MARCHF3: variants seen among roughly 807,000 people sequenced by gnomAD.
The protein encoded by MARCHF3 is E3 ubiquitin-protein ligase MARCHF3.
Under a neutral mutation model 24.2 loss-of-function variants are expected in MARCHF3, and 13 were observed. That is an observed-to-expected ratio of 0.54 (90% CI 0.35 to 0.85). The LOEUF (loss-of-function observed/expected upper bound fraction) is 0.85. MARCHF3 is among the 40% of genes least tolerant of loss of function. MARCHF3 has a pLI of 0.01. For missense variants in MARCHF3, 276 were observed against 325.0 expected (o/e 0.85, Z 1.16); for synonymous variants, 144 against 137.3 (o/e 1.05, Z -0.34).
chr5:126,966,905 C>CTTTTTTTTTTTTTTTTTTTTT, intron 1 of MARCHF3, among the ~76,000 whole-genome samples: 1 of 4,498 alleles, frequency 2.2e-4, no homozygotes, highest in Non-Finnish European at 4.3e-4. Flanking sequence ...CTGTGAGAGC[C>CTTTTTTTTTTTTTTTTTTTTT]TTTTTTTTTT....
chr5:126,937,532 C>G (rs1347807226), intron 1 of MARCHF3, among the ~76,000 whole-genome samples: 2 of 152,080 alleles, frequency 1.3e-5, no homozygotes, highest in Non-Finnish European at 2.9e-5. Context: ...TATATTTAGA[C>G]CATGGGGCCT....
intron 1 of MARCHF3, among the ~76,000 whole-genome samples, chr5:127,028,417 T>C (rs1408169067): frequency 6.6e-6 from 1 of 152,236 alleles, no homozygotes; most frequent in Non-Finnish European, 1.5e-5. Context: ...AAACTATAAA[T>C]TGTGAATCAT....
intron 1 of MARCHF3, among the ~76,000 whole-genome samples, chr5:127,008,428 G>A (rs1752374467): frequency 6.6e-6 from 1 of 152,198 alleles, no homozygotes; most frequent in African/African-American, 2.4e-5. Flanking sequence ...ACTTAGAAGA[G>A]AGTCTGGGTG....
In MARCHF3 at chr5:126,870,687, C is replaced by T. The variant is rs149144517; in HGVS notation, c.708G>A (p.Pro236=). The T allele has an allele frequency of 2.5e-5, 40 of 1,614,126 alleles. No homozygotes were observed. The highest frequency in any genetic ancestry group is 2.9e-5 in the Non-Finnish European group (34 of 1,180,028). ...PKSVNVPSNQ[P]SLLGLHSVKR... is the part of the protein sequence containing the mutation. ...TGACCGAATGGAGGCCCAGCAAGGA[C>T]GGCTGGTTAGAAGGTACATTGACAG... Residue 236 remains proline (P), a synonymous_variant, in exon 5 of 5, where the codon CCG becomes CCA. Transcript: ENST00000308660.
chr5:126,965,541 G>C (rs1212915978), intron 1 of MARCHF3, among the ~76,000 whole-genome samples: 2 of 152,104 alleles, frequency 1.3e-5, no homozygotes, highest in Non-Finnish European at 2.9e-5. Context: ...AAATTTTTTA[G>C]GCTTAAAACT....
chr5:126,878,808 C>A lies in MARCHF3; in HGVS notation c.394-414G>T, dbSNP rs951956762. Among the ~76,000 whole-genome samples, 4 of 152,292 alleles carry A rather than the reference C, an allele frequency of 2.6e-5. No homozygotes were observed. The East Asian group carries it at 5.8e-4, about 22-fold the overall frequency. ...GCTGGAAACGGTTGAGTTGCTCAAGCCCCGCACATTCCCAAGACAGGCCTG... is the reference window on the plus strand; with the variant it reads ...GCTGGAAACGGTTGAGTTGCTCAAGACCCGCACATTCCCAAGACAGGCCTG... On this transcript the variant is annotated intron_variant, in intron 3 of 4. Coordinates refer to ENST00000308660, the MANE Select transcript of MARCHF3 (RefSeq NM_178450.5).
At chr5:126,946,458 G>A (rs910570065) in intron 1 of MARCHF3, 2 of 148,548 alleles carry the variant, frequency 1.3e-5, no homozygotes, top group Non-Finnish European at 1.5e-5. Context: ...TTTTGTGTTT[G>A]TATGAACACA....
At chr5:126,990,592 C>T (rs981152286) in intron 1 of MARCHF3, among the ~76,000 whole-genome samples, 1 of 152,130 alleles carries the variant, frequency 6.6e-6, no homozygotes, top group African/African-American at 2.4e-5. Flanking sequence ...AAAGAAACTA[C>T]CATCAGAGTG....
At chr5:126,949,490 T>G (rs777546574) in intron 1 of MARCHF3, among the ~76,000 whole-genome samples, 3 of 152,200 alleles carry the variant, frequency 2.0e-5, no homozygotes, top group African/African-American at 4.8e-5. Flanking sequence ...CTAAACCTTT[T>G]ATCTTTGCAT....
intron 3 of MARCHF3, among the ~76,000 whole-genome samples, chr5:126,890,284 TG>T (rs199598804): frequency 0.019 from 2,875 of 151,672 alleles, 68 homozygotes; most frequent in South Asian, 0.11. Flanking sequence ...GGTAATGGTA[TG>T]TTTTCTTTTT....
intron 1 of MARCHF3, among the ~76,000 whole-genome samples, chr5:126,940,158 G>A (rs1227969765): frequency 1.3e-5 from 2 of 152,138 alleles, no homozygotes; most frequent in East Asian, 1.9e-4. Flanking sequence ...AGGGTGACTC[G>A]AATTTTTCAC....
chr5:126,912,102 T>C lies in MARCHF3; in HGVS notation c.393+2828A>G, dbSNP rs749195298. On this transcript the variant is annotated intron_variant, in intron 3 of 4. Transcript: ENST00000308660. ...CATTATGAGTAGAAACTCACCCTTATGGGCAGAAAAAAAGACTTCACATAG... is the reference window on the plus strand; with the variant it reads ...CATTATGAGTAGAAACTCACCCTTACGGGCAGAAAAAAAGACTTCACATAG... Among the ~76,000 whole-genome samples the C allele has an allele frequency of 6.2e-4, 95 of 152,186 alleles. 2 individuals are homozygous for C. The highest frequency in any genetic ancestry group is 5.9e-4 in the Non-Finnish European group (40 of 68,012).
intron 4 of MARCHF3, among the ~76,000 whole-genome samples, chr5:126,874,359 A>T (rs1753074379): frequency 6.6e-6 from 1 of 152,178 alleles, no homozygotes; most frequent in Non-Finnish European, 1.5e-5. Context: ...AGGCCGAGGC[A>T]GGCAGATCAC....
intron 1 of MARCHF3, among the ~76,000 whole-genome samples, chr5:126,935,134 G>A (rs1749602122): frequency 6.6e-6 from 1 of 152,190 alleles, no homozygotes; most frequent in African/African-American, 2.4e-5. Context: ...CTAATTTTAT[G>A]TGTCATCTTG....
Position 126,915,192 on chromosome 5 carries a change from A to G in MARCHF3, c.189-58T>C, listed in dbSNP as rs1754684389. On this transcript the variant is annotated intron_variant, in intron 2 of 4. Coordinates refer to ENST00000308660, the MANE Select transcript of MARCHF3 (RefSeq NM_178450.5). ...TGGGCTGGAAACCTCCACCAAGTGG[A>G]TGGCCCTCTAGCTCTTGTCCTTTGG... The G allele has an allele frequency of 7.7e-6, 12 of 1,551,650 alleles. No individual in the cohort carries two copies. In the South Asian group the frequency reaches 1.1e-4, roughly 15 times the overall value.
At chr5:126,907,354 T>C in intron 3 of MARCHF3, among the ~76,000 whole-genome samples, 5 of 131,436 alleles carry the variant, frequency 3.8e-5, no homozygotes, top group Non-Finnish European at 6.3e-5. Flanking sequence ...CAGAGCTGAG[T>C]TCAATTCCTG....
At chr5:126,937,809 C>T (rs894343145) in intron 1 of MARCHF3, among the ~76,000 whole-genome samples, 11 of 152,072 alleles carry the variant, frequency 7.2e-5, no homozygotes, top group Admixed American at 2.0e-4. Flanking sequence ...TTTACAGAAT[C>T]GAAAAGCTTT....
intron 1 of MARCHF3, among the ~76,000 whole-genome samples, chr5:126,985,470 TA>T (rs377706547): frequency 0.019 from 2,647 of 141,592 alleles, 64 homozygotes; most frequent in South Asian, 0.1. Flanking sequence ...GATGAACTTT[TA>T]TTTTTTTTTT....
At chr5:126,935,865 C>T (rs1175217940) in intron 1 of MARCHF3, among the ~76,000 whole-genome samples, 2 of 152,026 alleles carry the variant, frequency 1.3e-5, no homozygotes, top group East Asian at 3.9e-4. Context: ...CCCACCTCGG[C>T]CTCCCAAAGT....
Sources: gnomAD v4.1 joint callset for allele counts (sites outside exome capture counted in the v4.1 genomes callset) on GRCh38, gnomAD v4.1.1 for gene constraint, MANE v1.5 for transcripts, NCBI Gene and HGNC (gene_info 2026-07-23, HGNC 2026-07-21) for gene names.